Variants in HRH1 observed in about 807,000 individuals in gnomAD.
HRH1 encodes the protein histamine H1 receptor.
A neutral mutation model predicts 10.3 loss-of-function variants in HRH1; 6 were observed. That is an observed-to-expected ratio of 0.58 (90% CI 0.32 to 1.15). HRH1 has a LOEUF of 1.15. HRH1 is among the 50% of genes most tolerant of loss of function. The pLI, the probability that HRH1 is intolerant of heterozygous loss-of-function variation, is 0.05. For synonymous variants in HRH1, 242 were observed against 236.7 expected (o/e 1.02, Z -0.21); for missense variants, 514 against 615.3 (o/e 0.84, Z 1.74).
intron 1 of HRH1, among the ~76,000 whole-genome samples, chr3:11,164,057 TTGAATGAA>T (rs60430122): frequency 3.3e-5 from 5 of 151,992 alleles, no homozygotes; most frequent in Admixed American, 2.0e-4. Flanking sequence ...GAGATACTTG[TTGAATGAA>T]TGAATGAATG....
intron 1 of HRH1, among the ~76,000 whole-genome samples, chr3:11,238,796 G>A (rs1380698432): frequency 2.0e-5 from 3 of 152,160 alleles, no homozygotes; most frequent in Non-Finnish European, 4.4e-5. Flanking sequence ...GTTGCCTTTT[G>A]TGTCTGGCTT....
chr3:11,167,519 G>T (rs1156744646), intron 1 of HRH1, among the ~76,000 whole-genome samples: 2 of 151,944 alleles, frequency 1.3e-5, no homozygotes, highest in Non-Finnish European at 2.9e-5. Flanking sequence ...GCTGTCCCCT[G>T]CATTCTCCAG....
At chr3:11,170,506 G>A (rs1406331301) in intron 1 of HRH1, among the ~76,000 whole-genome samples, 1 of 152,248 alleles carries the variant, frequency 6.6e-6, no homozygotes, top group Non-Finnish European at 1.5e-5. Context: ...CGGCCTGGTG[G>A]GGAAGGCAGA....
Position 11,188,455 on chromosome 3 carries a change from T to A in HRH1, c.-36+33901T>A, listed in dbSNP as rs530200355. On this transcript the variant is annotated intron_variant, in intron 1 of 1. Coordinates refer to ENST00000431010, the MANE Select transcript of HRH1 (RefSeq NM_001098212.2). Reference sequence around the variant, plus strand: ...CAGGCATGGTGGCACCTTAGAAGGCTGAAGCACGAGAATTACTTGAACCCA... The same window carrying A: ...CAGGCATGGTGGCACCTTAGAAGGCAGAAGCACGAGAATTACTTGAACCCA... Among the ~76,000 whole-genome samples the A allele has an allele frequency of 3.3e-5, 5 of 152,212 alleles. No homozygotes were observed. The South Asian group carries it at 1.0e-3, about 32-fold the overall frequency.
intron 1 of HRH1, among the ~76,000 whole-genome samples, chr3:11,195,634 C>T (rs1306334472): frequency 6.6e-6 from 1 of 152,142 alleles, no homozygotes; most frequent in Non-Finnish European, 1.5e-5. Context: ...TGCTTCTTGC[C>T]CTTTTGAAAG....
chr3:11,218,122 G>A (rs1236133427), intron 1 of HRH1, among the ~76,000 whole-genome samples: 1 of 152,232 alleles, frequency 6.6e-6, no homozygotes, highest in African/African-American at 2.4e-5. Flanking sequence ...GATCAAGAAT[G>A]TAGTATCTAG....
intron 1 of HRH1, among the ~76,000 whole-genome samples, chr3:11,246,538 G>A (rs1939494700): frequency 6.6e-6 from 1 of 152,202 alleles, no homozygotes; most frequent in South Asian, 2.1e-4. Context: ...AGGTCCCGAA[G>A]GGAGGGAAAA....
chr3:11,241,753 G>A (rs550806586), intron 1 of HRH1, among the ~76,000 whole-genome samples: 14 of 151,754 alleles, frequency 9.2e-5, no homozygotes, highest in Admixed American at 3.3e-4. Flanking sequence ...GGAGAATGGC[G>A]CAAACCTGGG....
intron 1 of HRH1, among the ~76,000 whole-genome samples, chr3:11,216,313 C>T (rs573906026): frequency 5.9e-4 from 90 of 152,300 alleles, no homozygotes; most frequent in Middle Eastern, 3.4e-3. Flanking sequence ...GAAGAGACGT[C>T]TATATACACC....
chr3:11,144,827 C>A (rs932186309), intron 1 of HRH1, among the ~76,000 whole-genome samples: 1 of 151,922 alleles, frequency 6.6e-6, no homozygotes. Context: ...GCCGAGATCA[C>A]GCCACTGCAC....
chr3:11,185,982 G>A (rs1184113642), intron 1 of HRH1, among the ~76,000 whole-genome samples: 1 of 152,116 alleles, frequency 6.6e-6, no homozygotes, highest in Non-Finnish European at 1.5e-5. Context: ...GTGTTCTGTG[G>A]AAGCCCCGAC....
chr3:11,194,932 G>A (rs1408174453), intron 1 of HRH1, among the ~76,000 whole-genome samples: 1 of 152,160 alleles, frequency 6.6e-6, no homozygotes, highest in Non-Finnish European at 1.5e-5. Flanking sequence ...TAAAATTGAT[G>A]CATAATCCTT....
chr3:11,217,478 G>A (rs551392816), intron 1 of HRH1, among the ~76,000 whole-genome samples: 10 of 152,242 alleles, frequency 6.6e-5, no homozygotes, highest in South Asian at 6.2e-4. Flanking sequence ...GCAGTGAGCC[G>A]AGATGGCGCC....
chr3:11,137,768 G>A (rs1354242365), intron 1 of HRH1, among the ~76,000 whole-genome samples: 1 of 152,054 alleles, frequency 6.6e-6, no homozygotes, highest in Non-Finnish European at 1.5e-5. Context: ...CATCCTCCAC[G>A]CCTGGCACAT....
intron 1 of HRH1, among the ~76,000 whole-genome samples, chr3:11,185,839 C>G (rs75349308): frequency 0.019 from 2,914 of 152,262 alleles, 36 homozygotes; most frequent in Middle Eastern, 0.054. Flanking sequence ...AATGTTGGCA[C>G]TCAGACGTTG....
chr3:11,203,679 C>CTCTGGAT (rs751416495), intron 1 of HRH1, among the ~76,000 whole-genome samples: 109 of 152,174 alleles, frequency 7.2e-4, no homozygotes, highest in Non-Finnish European at 1.3e-3. Context: ...GTCGATTTAT[C>CTCTGGAT]TCTGGATTCT....
chr3:11,245,974 CAT>C (rs958055111), intron 1 of HRH1, among the ~76,000 whole-genome samples: 3 of 150,764 alleles, frequency 2.0e-5, no homozygotes, highest in Non-Finnish European at 3.0e-5. Context: ...CACACACACT[CAT>C]GTACTCAAAA....
At position 11,138,357 on chromosome 3, in the gene HRH1, C is replaced by A. The variant is rs61694054; in HGVS notation, c.-36+958C>A. On this transcript the variant is annotated intron_variant, in intron 1 of 1. Coordinates refer to the HRH1 transcript ENST00000438284. ...ACTCTTACAACTCAACACACACACACAAAAAACAACCCAGCCAAAAAATGG... is the reference window on the plus strand; with the variant it reads ...ACTCTTACAACTCAACACACACACAAAAAAAACAACCCAGCCAAAAAATGG... Among the ~76,000 whole-genome samples the A allele has an allele frequency of 7.8e-3, 1,187 of 152,006 alleles. 17 individuals are homozygous for A. The highest frequency in any genetic ancestry group is 0.026 in the African/African-American group (1,084 of 41,460).
chr3:11,195,452 G>C (rs1418298224), intron 1 of HRH1, among the ~76,000 whole-genome samples: 1 of 152,178 alleles, frequency 6.6e-6, no homozygotes, highest in African/African-American at 2.4e-5. Context: ...CTGCCATGTG[G>C]TTCCTCAATC....
Sources: allele counts gnomAD v4.1 joint callset (sites outside exome capture counted in the v4.1 genomes callset), GRCh38; gene constraint gnomAD v4.1.1; transcripts MANE v1.5; gene names NCBI Gene and HGNC (gene_info 2026-07-23, HGNC 2026-07-21).